REDIC1: variants seen among roughly 807,000 people sequenced by gnomAD.
The protein encoded by REDIC1 is regulator of DNA class I crossover intermediates 1.
At chr12:39,663,359 A>C in the REDIC1 span, among the ~76,000 whole-genome samples, 1 of 152,044 alleles carries the variant, frequency 6.6e-6, no homozygotes, top group South Asian at 2.1e-4. Flanking sequence ...TTACCATTAT[A>C]TAATGACCTT....
chr12:39,902,376 AAAGATATGTACATACACATG>A, the REDIC1 span, among the ~76,000 whole-genome samples: 1 of 152,020 alleles, frequency 6.6e-6, no homozygotes, highest in Non-Finnish European at 1.5e-5. Context: ...AGAAGAGTGA[AAAGATATGTACATACACATG>A]AAGAGAACTA....
the REDIC1 span, among the ~76,000 whole-genome samples, chr12:39,851,406 T>C: frequency 6.6e-6 from 1 of 152,224 alleles, no homozygotes; most frequent in African/African-American, 2.4e-5. Flanking sequence ...AAATGCATTC[T>C]GACTCTTAAC....
chr12:39,898,530 A>G, the REDIC1 span, among the ~76,000 whole-genome samples: 1 of 152,124 alleles, frequency 6.6e-6, no homozygotes, highest in Non-Finnish European at 1.5e-5. Flanking sequence ...ACAGATTACT[A>G]TTCCTTCAGC....
chr12:39,904,874 T>C, the REDIC1 span, among the ~76,000 whole-genome samples: 1 of 152,152 alleles, frequency 6.6e-6, no homozygotes, highest in Non-Finnish European at 1.5e-5. Context: ...ACAGGTCTTC[T>C]GCATTGCCTC....
chr12:39,757,502 A>T, the REDIC1 span: 1 of 151,676 alleles, frequency 6.6e-6, no homozygotes, highest in Non-Finnish European at 1.5e-5. Context: ...AAATCTAAAA[A>T]TAATACCCTA....
chr12:39,833,877 T>A, the REDIC1 span, among the ~76,000 whole-genome samples: 2 of 142,920 alleles, frequency 1.4e-5, no homozygotes, highest in Non-Finnish European at 3.0e-5. Flanking sequence ...CACTTTTGCC[T>A]CTGAAGCATG....
At chr12:39,808,480 T>C in the REDIC1 span, among the ~76,000 whole-genome samples, 111 of 152,278 alleles carry the variant, frequency 7.3e-4, 1 homozygote, top group Middle Eastern at 3.4e-3. Context: ...AATTACTGGG[T>C]TGTATGGAAA....
the REDIC1 span, among the ~76,000 whole-genome samples, chr12:39,727,797 C>G: frequency 6.6e-6 from 1 of 152,104 alleles, no homozygotes; most frequent in East Asian, 1.9e-4. Flanking sequence ...ATGGAATGTT[C>G]TTCCATTTGT....
At chr12:39,767,183 G>T in the REDIC1 span, among the ~76,000 whole-genome samples, 1 of 151,964 alleles carries the variant, frequency 6.6e-6, no homozygotes, top group Non-Finnish European at 1.5e-5. Flanking sequence ...TTGATCCATG[G>T]GCTGCAGAAT....
chr12:39,677,367 A>G, the REDIC1 span, among the ~76,000 whole-genome samples: 1 of 152,208 alleles, frequency 6.6e-6, no homozygotes, highest in Non-Finnish European at 1.5e-5. Context: ...ATATAATGAT[A>G]AAAGGATTAG....
the REDIC1 span, among the ~76,000 whole-genome samples, chr12:39,636,464 G>A: frequency 6.6e-6 from 1 of 152,052 alleles, no homozygotes; most frequent in African/African-American, 2.4e-5. Context: ...GAAAGCCAAT[G>A]TAAGTACTTT....
the REDIC1 span, among the ~76,000 whole-genome samples, chr12:39,786,709 A>G: frequency 6.6e-6 from 1 of 152,222 alleles, no homozygotes; most frequent in African/African-American, 2.4e-5. Flanking sequence ...GACAGACAGT[A>G]TTAAATCTGG....
chr12:39,793,048 A>C, the REDIC1 span, among the ~76,000 whole-genome samples: 1 of 152,156 alleles, frequency 6.6e-6, no homozygotes, highest in African/African-American at 2.4e-5. Flanking sequence ...ATATAAAACT[A>C]TATTGTCTAT....
the REDIC1 span, among the ~76,000 whole-genome samples, chr12:39,878,950 C>T: frequency 6.6e-6 from 1 of 152,266 alleles, no homozygotes; most frequent in African/African-American, 2.4e-5. Flanking sequence ...AGCCCAGAGC[C>T]TACTGCCCTG....
chr12:39,726,053 A>C, the REDIC1 span, among the ~76,000 whole-genome samples: 1 of 152,010 alleles, frequency 6.6e-6, no homozygotes, highest in African/African-American at 2.4e-5. Context: ...CCTTTTCAAA[A>C]CAACTTGTAC....
chr12:39,789,087 A>G, the REDIC1 span, among the ~76,000 whole-genome samples: 1 of 152,108 alleles, frequency 6.6e-6, no homozygotes, highest in East Asian at 1.9e-4. Flanking sequence ...TCACTGATTT[A>G]CTCACCAATC....
chr12:39,678,953 A>G, the REDIC1 span, among the ~76,000 whole-genome samples: 2 of 152,204 alleles, frequency 1.3e-5, no homozygotes, highest in African/African-American at 4.8e-5. Context: ...ATACCTTAAG[A>G]TAATAAAAGC....
At chr12:39,664,804 AT>A in the REDIC1 span, among the ~76,000 whole-genome samples, 2 of 152,090 alleles carry the variant, frequency 1.3e-5, no homozygotes, top group African/African-American at 4.8e-5. Context: ...TGTGGTTTTG[AT>A]TTGCATTTCT....
chr12:39,790,126 TC>T, the REDIC1 span, among the ~76,000 whole-genome samples: 1 of 47,476 alleles, frequency 2.1e-5, no homozygotes, highest in African/African-American at 6.3e-5. Context: ...TCTTTTGTGT[TC>T]TTTTTTTTTT....
Sources: allele counts gnomAD v4.1 joint callset (sites outside exome capture counted in the v4.1 genomes callset), GRCh38; gene constraint gnomAD v4.1.1; transcripts MANE v1.5; gene names NCBI Gene and HGNC (gene_info 2026-07-23, HGNC 2026-07-21).